SUGCT: variants seen among roughly 807,000 people sequenced by gnomAD.
SUGCT encodes the protein succinyl-CoA:glutarate CoA-transferase.
In SUGCT, 41 loss-of-function variants were observed where a neutral mutation model predicts 55.0. The ratio of observed to expected loss-of-function variants is 0.74; its 90% CI spans 0.58 to 0.97. The LOEUF (loss-of-function observed/expected upper bound fraction) is 0.97, where lower values mean the gene tolerates loss of function less well. SUGCT is among the 50% of genes least tolerant of loss of function. The probability of loss-of-function intolerance (pLI) is 0.00; values close to 1 mark genes in which losing one functional copy is unlikely to be tolerated. For missense variants in SUGCT, 568 were observed against 547.8 expected (o/e 1.04, Z -0.37); for synonymous variants, 187 against 200.4 (o/e 0.93, Z 0.56).
At chr7:40,882,522 C>A in the SUGCT span, among the ~76,000 whole-genome samples, 12 of 152,160 alleles carry the variant, frequency 7.9e-5, no homozygotes, top group Non-Finnish European at 1.6e-4. Flanking sequence ...TCAAGATCCC[C>A]ACTGTCATTA....
At chr7:40,324,320 A>T (rs1218225349) in intron 9 of SUGCT, among the ~76,000 whole-genome samples, 2 of 149,230 alleles carry the variant, frequency 1.3e-5, no homozygotes, top group East Asian at 4.0e-4. Flanking sequence ...CAGTGGCGCA[A>T]TCTCAGCTCA....
At chr7:40,499,474 T>A (rs1004165847) in intron 12 of SUGCT, 3 of 191,030 alleles carry the variant, frequency 1.6e-5, no homozygotes, top group Non-Finnish European at 3.3e-5. Context: ...CAGATGATAT[T>A]TTTTTTTCAT....
the SUGCT span, among the ~76,000 whole-genome samples, chr7:40,907,134 TGTGTGTGA>T: frequency 8.5e-3 from 380 of 44,844 alleles, no homozygotes; most frequent in African/African-American, 0.027. Context: ...TGTGTGTGTG[TGTGTGTGA>T]GAGAGAGAGA....
chr7:40,158,827 T>G (rs535332155), intron 1 of SUGCT, among the ~76,000 whole-genome samples: 1 of 152,338 alleles, frequency 6.6e-6, no homozygotes, highest in Admixed American at 6.5e-5. Context: ...CATATTTGTA[T>G]TTTTTCAATT....
chr7:40,737,827 G>A (rs936659390), intron 12 of SUGCT, among the ~76,000 whole-genome samples: 1 of 152,134 alleles, frequency 6.6e-6, no homozygotes, highest in Admixed American at 6.6e-5. Flanking sequence ...GGGAGGCTGA[G>A]GCAGGAGAAT....
At chr7:40,392,186 T>C (rs1562741946) in intron 9 of SUGCT, among the ~76,000 whole-genome samples, 2 of 152,102 alleles carry the variant, frequency 1.3e-5, no homozygotes, top group Non-Finnish European at 2.9e-5. Context: ...CTAATGTAAA[T>C]GACAAGTTAA....
intron 12 of SUGCT, among the ~76,000 whole-genome samples, chr7:40,590,907 GA>G (rs974721977): frequency 3.3e-5 from 5 of 151,410 alleles, no homozygotes; most frequent in Admixed American, 6.6e-5. Context: ...CTAGTGCTCA[GA>G]AAAAAAAATT....
chr7:40,794,818 A>G (rs1790473878), intron 13 of SUGCT, among the ~76,000 whole-genome samples: 1 of 152,150 alleles, frequency 6.6e-6, no homozygotes, highest in Non-Finnish European at 1.5e-5. Context: ...CAGGATAGTT[A>G]GTCCACCATA....
intron 12 of SUGCT, among the ~76,000 whole-genome samples, chr7:40,625,637 A>G (rs1205086621): frequency 6.6e-6 from 1 of 152,056 alleles, no homozygotes; most frequent in Non-Finnish European, 1.5e-5. Flanking sequence ...TCATTAGGGT[A>G]TTTTTCTAAA....
the SUGCT span, among the ~76,000 whole-genome samples, chr7:40,980,509 T>G: frequency 6.6e-6 from 1 of 152,182 alleles, no homozygotes; most frequent in Non-Finnish European, 1.5e-5. Context: ...TGGATGAGAC[T>G]CAATATACAG....
intron 9 of SUGCT, among the ~76,000 whole-genome samples, chr7:40,354,561 G>A (rs1213266666): frequency 6.6e-6 from 1 of 152,214 alleles, no homozygotes; most frequent in Admixed American, 6.5e-5. Flanking sequence ...CTAATGAAAA[G>A]TTGGCTGGGT....
At chr7:40,297,219 A>T (rs1033363807) in intron 8 of SUGCT, among the ~76,000 whole-genome samples, 1 of 151,962 alleles carries the variant, frequency 6.6e-6, no homozygotes, top group Non-Finnish European at 1.5e-5. Flanking sequence ...CTGCCCTAGG[A>T]GCCCATTGGT....
the SUGCT span, among the ~76,000 whole-genome samples, chr7:41,013,299 G>A: frequency 6.6e-4 from 101 of 152,198 alleles, no homozygotes; most frequent in African/African-American, 2.2e-3. Context: ...TTGGTACCGC[G>A]TTCTTCTTAG....
intron 12 of SUGCT, among the ~76,000 whole-genome samples, chr7:40,593,792 T>A (rs984381859): frequency 2.0e-5 from 3 of 152,118 alleles, no homozygotes; most frequent in Non-Finnish European, 4.4e-5. Context: ...TGAGCTGAGA[T>A]TGCGTCACTG....
chr7:40,403,451 G>T (rs1332778426), intron 9 of SUGCT, among the ~76,000 whole-genome samples: 2 of 152,196 alleles, frequency 1.3e-5, no homozygotes. Flanking sequence ...CACTGAATTT[G>T]CTAGAGGGAC....
chr7:40,306,856 C>T (rs1264920159), intron 8 of SUGCT, among the ~76,000 whole-genome samples: 2 of 152,160 alleles, frequency 1.3e-5, no homozygotes, highest in South Asian at 4.1e-4. Flanking sequence ...GTATTATTCT[C>T]AACATGCTTT....
intron 12 of SUGCT, among the ~76,000 whole-genome samples, chr7:40,674,828 A>G (rs1783875389): frequency 2.0e-5 from 3 of 152,236 alleles, no homozygotes; most frequent in Admixed American, 1.3e-4. Flanking sequence ...GTAAAGAACT[A>G]TAGAAAATCA....
chr7:40,667,174 A>G (rs1259779259), intron 12 of SUGCT, among the ~76,000 whole-genome samples: 1 of 151,518 alleles, frequency 6.6e-6, no homozygotes, highest in Non-Finnish European at 1.5e-5. Context: ...TTCTAATGAG[A>G]TAGAAAACAT....
chr7:41,015,758 C>A, the SUGCT span, among the ~76,000 whole-genome samples: 2 of 152,174 alleles, frequency 1.3e-5, no homozygotes, highest in Non-Finnish European at 2.9e-5. Context: ...TGTGGGCAAG[C>A]ACATCTGAGT....
Sources: allele counts gnomAD v4.1 joint callset (sites outside exome capture counted in the v4.1 genomes callset), GRCh38; gene constraint gnomAD v4.1.1; transcripts MANE v1.5; gene names NCBI Gene and HGNC (gene_info 2026-07-23, HGNC 2026-07-21).